The following PLEKHB2 variants were observed in gnomAD, a reference collection of about 807,000 sequenced individuals.
PLEKHB2 encodes pleckstrin homology domain containing B2, also known as pleckstrin homology domain-containing family B member 2.
In PLEKHB2, 31 loss-of-function variants were observed where a neutral mutation model predicts 36.5. That is an observed-to-expected ratio of 0.85 (90% confidence interval 0.64 to 1.15). The LOEUF (loss-of-function observed/expected upper bound fraction) is 1.15, where lower values mean the gene tolerates loss of function less well. Ranked by LOEUF, PLEKHB2 falls within the 50% of genes most tolerant of loss-of-function variation. The pLI is 0.00. For synonymous variants in PLEKHB2, 119 were observed against 112.0 expected (o/e 1.06, Z -0.39); for missense variants, 262 against 295.3 (o/e 0.89, Z 0.83).
intron 6 of PLEKHB2, among the ~76,000 whole-genome samples, chr2:131,135,059 T>C (rs1302723988): frequency 6.6e-6 from 1 of 152,194 alleles, no homozygotes; most frequent in African/African-American, 2.4e-5. Context: ...AGGTTGATCT[T>C]GCAGCTTGTA....
chr2:131,136,944 C>CT (rs1559098378), intron 6 of PLEKHB2, among the ~76,000 whole-genome samples: 5 of 146,534 alleles, frequency 3.4e-5, no homozygotes, highest in African/African-American at 1.3e-4. Context: ...TCTTTCTTTT[C>CT]TTTCTTTTTT....
rs1027865623 is a variant in PLEKHB2 at position 131,147,629 on chromosome 2, T to A, written c.*856T>A. The A allele has an allele frequency of 6.6e-6, 1 of 152,130 alleles. No individual in the cohort carries two copies. Among genetic ancestry groups the A allele is most frequent in the Non-Finnish European group, 1.5e-5 (1 of 68,126 alleles). The allele number at this position is 152,130 out of a possible 1,614,324, so 9.4% of individuals were successfully genotyped here. ...CTGGCTAACACGGTGAAACCCCATC[T>A]CTACTAAAAATACAAAAAATTAGCT... is the stretch of plus-strand genomic sequence containing the variant. On this transcript the variant is annotated 3_prime_UTR_variant, in exon 8 of 8. Coordinates refer to ENST00000693505, the MANE Select transcript of PLEKHB2 (RefSeq NM_001100623.2).
intron 6 of PLEKHB2, among the ~76,000 whole-genome samples, chr2:131,136,732 CTTTGT>C (rs575426591): frequency 4.6e-5 from 7 of 151,262 alleles, no homozygotes; most frequent in Admixed American, 1.3e-4. Context: ...TTTTTTTGTA[CTTTGT>C]TTTGTTTTAT....
intron 5 of PLEKHB2, among the ~76,000 whole-genome samples, chr2:131,131,990 C>T (rs558757217): frequency 5.9e-5 from 9 of 152,006 alleles, no homozygotes; most frequent in Admixed American, 1.3e-4. Context: ...CGTGCCACCA[C>T]GCCCAGCTAA....
chr2:131,121,300 G>A (rs1696487055), intron 2 of PLEKHB2, among the ~76,000 whole-genome samples: 2 of 152,194 alleles, frequency 1.3e-5, no homozygotes, highest in South Asian at 4.1e-4. Context: ...TTGTTGTGGA[G>A]TGCAGTGGCG....
chr2:131,121,948 T>C (rs1240111484), intron 2 of PLEKHB2, among the ~76,000 whole-genome samples: 8 of 152,078 alleles, frequency 5.3e-5, no homozygotes, highest in Admixed American at 5.2e-4. Flanking sequence ...ATTTTGCTCT[T>C]GTTGCCCAGG....
intron 2 of PLEKHB2, among the ~76,000 whole-genome samples, chr2:131,125,379 C>T (rs1486095916): frequency 6.6e-6 from 1 of 152,196 alleles, no homozygotes; most frequent in Admixed American, 6.5e-5. Flanking sequence ...GTTAAAGCAC[C>T]AGTTGGCGGG....
At position 131,121,095 on chromosome 2, in the gene PLEKHB2, C is replaced by T. The variant is rs564055074; in HGVS notation, c.37+117C>T. 10 of 894,518 alleles carry T rather than the reference C, an allele frequency of 1.1e-5. No homozygotes were observed. In the Admixed American group the frequency reaches 1.2e-4, roughly 11 times the overall value. The allele number at this position is 894,518 out of a possible 1,614,324, so 55.4% of individuals were successfully genotyped here. A position where few individuals can be genotyped will look rare whatever the true frequency, so the allele number is the denominator to read the frequency against. ...AACAAAGTTTTATGAGTGCTATGGC[C>T]TTGAGTTTCCCCTTGGACATTCCTA... On this transcript the variant is annotated intron_variant, in intron 2 of 7. Transcript: ENST00000693505.
intron 1 of PLEKHB2, chr2:131,120,729 T>C: frequency 1.6e-6 from 1 of 633,670 alleles, no homozygotes; most frequent in Non-Finnish European, 2.9e-6. Flanking sequence ...TGAAGGCGAG[T>C]GTGGGAGGAA....
chr2:131,130,906 C>A (rs1697608596), intron 5 of PLEKHB2, 146 bp downstream of exon 5: 2 of 638,338 alleles, frequency 3.1e-6, no homozygotes, highest in Non-Finnish European at 5.5e-6. Context: ...TCAGCCTCCC[C>A]TTCCCAGTAG....
intron 4 of PLEKHB2, among the ~76,000 whole-genome samples, chr2:131,128,502 A>G (rs2104883596): frequency 6.6e-6 from 1 of 152,312 alleles, no homozygotes; most frequent in Admixed American, 6.5e-5. Context: ...TCAACTATTT[A>G]TCTTGTTCAT....
intron 6 of PLEKHB2, among the ~76,000 whole-genome samples, chr2:131,135,918 G>A (rs939909566): frequency 3.3e-5 from 5 of 152,068 alleles, no homozygotes; most frequent in Non-Finnish European, 5.9e-5. Context: ...AGTGTATTCA[G>A]TTTTAAGTAT....
chr2:131,115,294 G>T (rs1357605052), intron 1 of PLEKHB2, among the ~76,000 whole-genome samples: 1 of 149,640 alleles, frequency 6.7e-6, no homozygotes, highest in African/African-American at 2.5e-5. Flanking sequence ...ACAATTCAAG[G>T]TGAGATTTGG....
intron 1 of PLEKHB2, among the ~76,000 whole-genome samples, chr2:131,108,827 A>G (rs562241969): frequency 6.6e-6 from 1 of 152,340 alleles, no homozygotes; most frequent in East Asian, 1.9e-4. Context: ...AGCAGCTACC[A>G]TTTATCGAGT....
At chr2:131,106,166 C>CA (rs1217799798) in intron 1 of PLEKHB2, among the ~76,000 whole-genome samples, 2 of 152,144 alleles carry the variant, frequency 1.3e-5, no homozygotes, top group Non-Finnish European at 2.9e-5. Context: ...GCTTAAATCT[C>CA]AAATGTAGAC....
At chr2:131,144,456 C>T in intron 7 of PLEKHB2, 1 of 1,199,972 alleles carries the variant, frequency 8.3e-7, no homozygotes, top group South Asian at 4.2e-5. Context: ...AGGGGTAAGT[C>T]CAAGAGCAGA....
chr2:131,143,238 G>C (rs1281236958), intron 7 of PLEKHB2, among the ~76,000 whole-genome samples: 1 of 152,140 alleles, frequency 6.6e-6, no homozygotes, highest in African/African-American at 2.4e-5. Flanking sequence ...TTATTGGGAG[G>C]TAACCCCATT....
chr2:131,133,985 C>T (rs995468464), intron 6 of PLEKHB2, among the ~76,000 whole-genome samples: 2 of 151,370 alleles, frequency 1.3e-5, no homozygotes, highest in Non-Finnish European at 2.9e-5. Context: ...CTAAAAGCTC[C>T]GCCTCCTGGG....
chr2:131,147,797 CAA>C lies in PLEKHB2; in HGVS notation c.*1039_*1040del, dbSNP rs766474080. ...TGGGTGACAGAGTGAGACTCTGTCT[CAA>C]AAAAAAAAAAAAAATCCTGGAGAAG... On this transcript the variant is annotated 3_prime_UTR_variant, in exon 8 of 8. Coordinates refer to ENST00000693505, the MANE Select transcript of PLEKHB2 (RefSeq NM_001100623.2). 1.2e-4 allele frequency: 12 copies of C among 100,488 alleles called. No individual in the cohort carries two copies. The highest frequency in any genetic ancestry group is 1.4e-4 in the Non-Finnish European group (6 of 44,364). The allele number at this position is 100,488 out of a possible 1,614,324, so 6.2% of individuals were successfully genotyped here.
Sources: gnomAD v4.1 joint callset for allele counts (sites outside exome capture counted in the v4.1 genomes callset) on GRCh38, gnomAD v4.1.1 for gene constraint, MANE v1.5 for transcripts, NCBI Gene and HGNC (gene_info 2026-07-23, HGNC 2026-07-21) for gene names.